The following DLG2 variants were observed in gnomAD, a reference collection of about 807,000 sequenced individuals.
The protein encoded by DLG2 is disks large homolog 2.
DLG2 carries 45 observed loss-of-function variants against 132.5 expected under a neutral mutation model. That is an observed-to-expected ratio of 0.34 (90% CI 0.27 to 0.44). The LOEUF is 0.44. Among genes scored for constraint, DLG2 ranks in the 20% least tolerant of loss-of-function variants. The pLI, the probability that DLG2 is intolerant of heterozygous loss-of-function variation, is 1.00. For synonymous variants in DLG2, 424 were observed against 419.6 expected (o/e 1.01, Z -0.13); for missense variants, 1,045 against 1,196.9 (o/e 0.87, Z 1.87).
At chr11:84,448,530 A>C (rs577143253) in intron 7 of DLG2, among the ~76,000 whole-genome samples, 10 of 152,122 alleles carry the variant, frequency 6.6e-5, no homozygotes, top group African/African-American at 2.2e-4. Context: ...ACCTTTGAAC[A>C]TGCTGTTTCT....
chr11:84,058,428 G>A (rs906488378), intron 11 of DLG2, among the ~76,000 whole-genome samples: 2 of 151,138 alleles, frequency 1.3e-5, no homozygotes, highest in African/African-American at 2.4e-5. Context: ...GGCCAAAGCA[G>A]GAGGATTACT....
rs574458955 is a variant in DLG2, at chr11:84,862,939, G to A, written c.357+248722C>T. The stretch of plus-strand genomic sequence containing the variant: ...TGTATACCTAGGTACAAATCTGCAC[G>A]ATCTGCACATCTATCCCAGAACTTA... On this transcript the variant is annotated intron_variant, in intron 6 of 27. Coordinates refer to ENST00000376104, the MANE Select transcript of DLG2 (RefSeq NM_001142699.3). Among the ~76,000 whole-genome samples the A allele has an allele frequency of 6.6e-5, 10 of 151,738 alleles. No homozygotes were observed. The East Asian group carries it at 1.2e-3, about 18-fold the overall frequency.
intron 4 of DLG2, among the ~76,000 whole-genome samples, chr11:85,231,140 A>G (rs1271242427): frequency 6.6e-6 from 1 of 151,982 alleles, no homozygotes; most frequent in Non-Finnish European, 1.5e-5. Context: ...TTCACCAAAA[A>G]AAATTTGCCC....
intron 6 of DLG2, among the ~76,000 whole-genome samples, chr11:84,729,020 A>G (rs2062834279): frequency 6.6e-6 from 1 of 151,760 alleles, no homozygotes; most frequent in African/African-American, 2.4e-5. Flanking sequence ...TATTTTGTTG[A>G]TCTTTTCAAA....
intron 18 of DLG2, among the ~76,000 whole-genome samples, chr11:83,671,287 C>G (rs1312343457): frequency 6.6e-6 from 1 of 152,170 alleles, no homozygotes; most frequent in African/African-American, 2.4e-5. Context: ...GTATATAGAA[C>G]ATAAATTGAG....
chr11:84,579,875 C>T (rs774744412), intron 6 of DLG2, among the ~76,000 whole-genome samples: 1 of 152,130 alleles, frequency 6.6e-6, no homozygotes. Context: ...CTTGACAGTA[C>T]TTGGTGGCTG....
At chr11:84,309,351 G>C (rs2098264700) in intron 7 of DLG2, among the ~76,000 whole-genome samples, 1 of 152,180 alleles carries the variant, frequency 6.6e-6, no homozygotes, top group Non-Finnish European at 1.5e-5. Flanking sequence ...TAAATTGCAT[G>C]CCTCATAATT....
At chr11:83,519,335 T>G (rs2095404882) in intron 21 of DLG2, among the ~76,000 whole-genome samples, 1 of 152,222 alleles carries the variant, frequency 6.6e-6, no homozygotes, top group Admixed American at 6.5e-5. Context: ...ACTAATCACA[T>G]TAATGCTGTA....
At chr11:85,040,421 G>C (rs1002017587) in intron 6 of DLG2, among the ~76,000 whole-genome samples, 1 of 151,882 alleles carries the variant, frequency 6.6e-6, no homozygotes, top group African/African-American at 2.4e-5. Context: ...GATAAAACTA[G>C]AATATCTACT....
chr11:84,578,289 G>T (rs533591062), intron 6 of DLG2, among the ~76,000 whole-genome samples: 1 of 152,108 alleles, frequency 6.6e-6, no homozygotes, highest in Non-Finnish European at 1.5e-5. Flanking sequence ...GAGGGCCACT[G>T]TGCTCCAGAC....
chr11:83,575,189 C>G (rs181895600), intron 19 of DLG2, among the ~76,000 whole-genome samples: 13 of 152,214 alleles, frequency 8.5e-5, no homozygotes, highest in African/African-American at 3.1e-4. Flanking sequence ...TTCAAACAAC[C>G]AAAAGTAAAT....
chr11:85,581,013 G>A (rs1318625900), intron 3 of DLG2, among the ~76,000 whole-genome samples: 1 of 152,050 alleles, frequency 6.6e-6, no homozygotes, highest in Non-Finnish European at 1.5e-5. Context: ...TCCAACTGGG[G>A]TCCACTAATG....
At chr11:84,056,774 T>C (rs941097885) in intron 11 of DLG2, among the ~76,000 whole-genome samples, 6 of 152,112 alleles carry the variant, frequency 3.9e-5, no homozygotes, top group Non-Finnish European at 8.8e-5. Context: ...ATTTAAACAA[T>C]GACTAAAATA....
At chr11:85,036,769 C>T (rs2061468850) in intron 6 of DLG2, among the ~76,000 whole-genome samples, 1 of 152,102 alleles carries the variant, frequency 6.6e-6, no homozygotes, top group South Asian at 2.1e-4. Context: ...TTATATAAAA[C>T]AGCAGTTCTA....
chr11:84,245,329 CTG>C (rs1394881201), intron 8 of DLG2, among the ~76,000 whole-genome samples: 1 of 152,118 alleles, frequency 6.6e-6, no homozygotes, highest in African/African-American at 2.4e-5. Flanking sequence ...TGAAAGCACT[CTG>C]TAAAAATGTT....
intron 19 of DLG2, among the ~76,000 whole-genome samples, chr11:83,584,526 TGAA>T: frequency 6.6e-6 from 1 of 152,298 alleles, no homozygotes; most frequent in East Asian, 1.9e-4. Context: ...ATTAGTTGGT[TGAA>T]GAAGAACCAT....
chr11:83,711,605 C>T (rs2085444619), intron 18 of DLG2, among the ~76,000 whole-genome samples: 1 of 152,208 alleles, frequency 6.6e-6, no homozygotes, highest in South Asian at 2.1e-4. Context: ...AACTACCCAG[C>T]TAGCCAGCTT....
rs575608674 is a variant in DLG2 at position 85,079,125 on chromosome 11, T to G, written c.357+32536A>C. On this transcript the variant is annotated intron_variant, in intron 6 of 27. Transcript: ENST00000376104. ...TGGGGAGATTGTTGCAGGGTGGCTT[T>G]CAAGTCCTAGGTGGATTCAAAGATT... Among the ~76,000 whole-genome samples the G allele has an allele frequency of 5.9e-5, 9 of 152,198 alleles. No individual in the cohort carries two copies. In the East Asian group the frequency reaches 1.7e-3, roughly 30 times the overall value.
chr11:85,473,470 A>T (rs762048542), intron 3 of DLG2, among the ~76,000 whole-genome samples: 4 of 152,240 alleles, frequency 2.6e-5, no homozygotes, highest in Non-Finnish European at 5.9e-5. Context: ...TGTTTAAAAG[A>T]ACTATATTTT....
Sources: gnomAD v4.1 joint callset for allele counts (sites outside exome capture counted in the v4.1 genomes callset) on GRCh38, gnomAD v4.1.1 for gene constraint, MANE v1.5 for transcripts, NCBI Gene and HGNC (gene_info 2026-07-23, HGNC 2026-07-21) for gene names.